ABL1: variants seen among roughly 807,000 people sequenced by gnomAD.
The protein encoded by ABL1 is ABL proto-oncogene 1, non-receptor tyrosine kinase.
In ABL1, 11 loss-of-function variants were observed where a neutral mutation model predicts 94.7. The observed-to-expected ratio is 0.12, with a 90% CI of 0.07 to 0.19. The LOEUF (loss-of-function observed/expected upper bound fraction) is 0.19. ABL1 is among the 10% of genes least tolerant of loss of function. The pLI, the probability that ABL1 is intolerant of heterozygous loss-of-function variation, is 1.00. For missense variants in ABL1, 1,082 were observed against 1,489.4 expected (o/e 0.73, Z 4.50); for synonymous variants, 656 against 622.4 (o/e 1.05, Z -0.80).
rs60634610 is a variant in ABL1 at position 130,876,411 on chromosome 9, C to CTTTTTTT, written c.1270+1365_1270+1371dup. On this transcript the variant is annotated intron_variant, in intron 7 of 10. Coordinates refer to ENST00000318560, the MANE Select transcript of ABL1 (RefSeq NM_005157.6). ...TTTTTAAAATAACAAATTACTTTTT[C>CTTTTTTT]TTTTTTTTTTTTGGAGCCAGAGTCT... Among the ~76,000 whole-genome samples, 129 of 142,512 alleles carry CTTTTTTT rather than the reference C, an allele frequency of 9.1e-4. 2 individuals carry two copies. The highest frequency in any genetic ancestry group is 2.3e-3 in the African/African-American group (86 of 38,112). 93.5% of individuals were successfully genotyped at this position (142,512 alleles called of 152,430 possible).
chr9:130,854,634 A>G (rs954601908), intron 2 of ABL1, among the ~76,000 whole-genome samples, 167 bp from the exon 3 acceptor site: 9 of 152,236 alleles, frequency 5.9e-5, no homozygotes, highest in African/African-American at 1.9e-4. Flanking sequence ...TTCAAATGTA[A>G]ACGTGAATTC....
chr9:130,806,371 G>A (rs776287692), intron 1 of ABL1, among the ~76,000 whole-genome samples: 1 of 152,190 alleles, frequency 6.6e-6, no homozygotes, highest in Non-Finnish European at 1.5e-5. Flanking sequence ...CTGCCTTGGA[G>A]TCAATCCAAG....
chr9:130,786,857 AC>A (rs1829833353), intron 1 of ABL1, among the ~76,000 whole-genome samples: 2 of 152,354 alleles, frequency 1.3e-5, no homozygotes, highest in African/African-American at 2.4e-5. Context: ...AGTGAAAAAA[AC>A]ATCTTGGACC....
chr9:130,841,359 G>A (rs1215616437), intron 1 of ABL1, among the ~76,000 whole-genome samples: 1 of 150,892 alleles, frequency 6.6e-6, no homozygotes, highest in Non-Finnish European at 1.5e-5. Flanking sequence ...CGCCCACCTC[G>A]GCCTCCCAAA....
chr9:130,840,068 A>T (rs888114013), intron 1 of ABL1, among the ~76,000 whole-genome samples: 1 of 152,216 alleles, frequency 6.6e-6, no homozygotes, highest in Admixed American at 6.5e-5. Context: ...CTGGCACAGA[A>T]CAAGAGCCTA....
At chr9:130,729,532 G>A (rs1831634419) in intron 1 of ABL1, among the ~76,000 whole-genome samples, 1 of 152,278 alleles carries the variant, frequency 6.6e-6, no homozygotes, top group Admixed American at 6.5e-5. Context: ...GGTGCCCCAG[G>A]CAGGAAGTTG....
At chr9:130,750,406 TCCCTCCCTCCCTCCCTCC>T (rs1484463913) in intron 1 of ABL1, among the ~76,000 whole-genome samples, 1 of 11,562 alleles carries the variant, frequency 8.6e-5, no homozygotes. Context: ...CCTTCCTCCC[TCCCTCCCTCCCTCCCTCC>T]CTCCCTCCCT....
chr9:130,730,225 A>G (rs1831646500), intron 1 of ABL1, among the ~76,000 whole-genome samples: 1 of 150,378 alleles, frequency 6.6e-6, no homozygotes, highest in African/African-American at 2.5e-5. Context: ...TGTTTTTAGT[A>G]GAGACGGGGT....
intron 1 of ABL1, among the ~76,000 whole-genome samples, chr9:130,820,815 A>C (rs1588252565): frequency 6.6e-6 from 1 of 152,150 alleles, no homozygotes; most frequent in South Asian, 2.1e-4. Context: ...CCCCTTTTTT[A>C]TTAGCAGTTT....
At chr9:130,714,475 T>C in intron 1 of ABL1, 1 of 1,614,190 alleles carries the variant, frequency 6.2e-7, no homozygotes, top group Non-Finnish European at 8.5e-7. Context: ...TTTCAAAATT[T>C]CTGCTCATGG....
chr9:130,766,481 C>A (rs543262467), intron 1 of ABL1, among the ~76,000 whole-genome samples: 1 of 152,208 alleles, frequency 6.6e-6, no homozygotes, highest in East Asian at 1.9e-4. Context: ...AATGAGTGTG[C>A]CCCGTGGTTA....
chr9:130,873,436 G>A (rs1831287683), intron 6 of ABL1, among the ~76,000 whole-genome samples: 2 of 152,186 alleles, frequency 1.3e-5, no homozygotes, highest in African/African-American at 2.4e-5. Flanking sequence ...CTCTTCCTGG[G>A]AGCCGCTGGC....
chr9:130,885,760 G>A lies in ABL1; in HGVS notation c.*77G>A. 2 of 1,508,308 alleles carry A rather than the reference G, an allele frequency of 1.3e-6. No homozygotes were observed. Among genetic ancestry groups the A allele is most frequent in the African/African-American group, 2.8e-5 (2 of 72,002 alleles). The allele number at this position is 1,508,308 out of a possible 1,614,324, so 93.4% of individuals were successfully genotyped here. A position where few individuals can be genotyped will look rare whatever the true frequency, so the allele number is the denominator to read the frequency against. ...CGGGCTCGCCCATACCCGTGACAGT[G>A]GCTGACAAGGGACTAGTGAGTCAGC... On this transcript the variant is annotated 3_prime_UTR_variant, in exon 11 of 11. Coordinates refer to ENST00000318560, the MANE Select transcript of ABL1 (RefSeq NM_005157.6).
At chr9:130,875,202 T>A (rs1564319733) in intron 7 of ABL1, 150 bp downstream of exon 7, 2 of 858,216 alleles carry the variant, frequency 2.3e-6, no homozygotes, top group Non-Finnish European at 3.5e-6. Context: ...AGTGCAGTGG[T>A]GCAATCTTGG....
At chr9:130,785,171 A>T (rs1829810326) in intron 1 of ABL1, among the ~76,000 whole-genome samples, 1 of 152,162 alleles carries the variant, frequency 6.6e-6, no homozygotes, top group East Asian at 1.9e-4. Flanking sequence ...GGGACATGGC[A>T]AGGTCATGGT....
At chr9:130,875,514 T>C (rs1272126498) in intron 7 of ABL1, among the ~76,000 whole-genome samples, 1 of 152,030 alleles carries the variant, frequency 6.6e-6, no homozygotes, top group African/African-American at 2.4e-5. Flanking sequence ...TATCTGCTGA[T>C]CTGTTAAGTC....
At chr9:130,717,649 C>T (rs1269492226) in intron 1 of ABL1, among the ~76,000 whole-genome samples, 6 of 149,372 alleles carry the variant, frequency 4.0e-5, no homozygotes, top group Admixed American at 1.3e-4. Flanking sequence ...GAGACCGTGT[C>T]TCTGGGGGGT....
Position 130,885,285 on chromosome 9 carries a change from T to C in ABL1, c.2995T>C (p.Ser999Pro). The change falls in exon 11 of 11, where the codon TCC becomes CCC. Residue 999 changes from serine (S) to proline (P), a missense_variant. Transcript: ENST00000318560. ...SSALAGDQPS[S>P]TAFIPLISTR... The stretch of plus-strand genomic sequence containing the variant: ...GGCCCTGGCAGGGGACCAGCCGTCT[T>C]CCACCGCCTTCATCCCTCTCATATC... 1 of 1,613,770 alleles carries C rather than the reference T, an allele frequency of 6.2e-7. No homozygotes were observed. Among genetic ancestry groups the C allele is most frequent in the Non-Finnish European group, 8.5e-7 (1 of 1,180,012 alleles).
At position 130,835,612 on chromosome 9, in the gene ABL1, C is replaced by A; in HGVS notation, c.79+87C>A. 9.2e-7 allele frequency: 1 copy of A among 1,084,696 alleles called. No homozygotes were observed. Among genetic ancestry groups the A allele is most frequent in the Non-Finnish European group, 1.4e-6 (1 of 737,414 alleles). The allele number at this position is 1,084,696 out of a possible 1,614,324, so 67.2% of individuals were successfully genotyped here. On this transcript the variant is annotated intron_variant, in intron 1 of 10. Transcript: ENST00000318560. The surrounding 1 kb of genome is among the most constrained non-coding windows in gnomAD (Gnocchi z 4.6). ...CTTCCTAGGCCTCGCCGCCCGCGCG[C>A]TCCCGCCTGCGCCCTCCCCGGGTCT...
Sources: gnomAD v4.1 joint callset for allele counts (sites outside exome capture counted in the v4.1 genomes callset) on GRCh38, gnomAD v4.1.1 for gene constraint, Gnocchi (gnomAD v3.1) non-coding constraint, MANE v1.5 for transcripts, NCBI Gene and HGNC (gene_info 2026-07-23, HGNC 2026-07-21) for gene names.